SYNC: variants seen among roughly 807,000 people sequenced by gnomAD.
SYNC encodes syncoilin, intermediate filament protein.
A neutral mutation model predicts 49.5 loss-of-function variants in SYNC; 38 were observed. The observed-to-expected ratio is 0.77, with a 90% confidence interval of 0.59 to 1.01. The LOEUF is 1.01. Among genes scored for constraint, SYNC ranks in the 50% least tolerant of loss-of-function variants. The pLI is 0.00. For missense variants in SYNC, 579 were observed against 580.6 expected (o/e 1.00, Z 0.03); for synonymous variants, 201 against 230.8 (o/e 0.87, Z 1.17).
intron 1 of SYNC, among the ~76,000 whole-genome samples, chr1:32,697,961 G>A (rs922951042): frequency 2.6e-5 from 4 of 151,868 alleles, no homozygotes; most frequent in African/African-American, 9.7e-5. Flanking sequence ...GATGGCTCAC[G>A]CCTGTAATGC....
Position 32,680,574 on chromosome 1 carries a change from C to T in SYNC, c.*1276G>A. 6.6e-7 allele frequency: 1 copy of T among 1,517,286 alleles called. No homozygotes were observed. The highest frequency in any genetic ancestry group is 8.9e-7 in the Non-Finnish European group (1 of 1,119,232). The allele number at this position is 1,517,286 out of a possible 1,614,324, so 94.0% of individuals were successfully genotyped here. A position where few individuals can be genotyped will look rare whatever the true frequency, so the allele number is the denominator to read the frequency against. ...TGATGCCATCTCCATTTTGGGTGAC[C>T]TGTTTCACCAGCAGGCCTGTTACTC... is the stretch of plus-strand genomic sequence containing the variant. On this transcript the variant is annotated 3_prime_UTR_variant, in exon 5 of 5. Transcript: ENST00000409190.
chr1:32,698,294 G>A (rs1320352991), intron 1 of SYNC, among the ~76,000 whole-genome samples: 5 of 151,108 alleles, frequency 3.3e-5, no homozygotes, highest in Non-Finnish European at 7.4e-5. Flanking sequence ...TGAGGCAGGC[G>A]GATCATGAGG....
At chr1:32,694,779 ATCTT>A (rs1489919042) in intron 2 of SYNC, 82 bp downstream of exon 2, 5 of 1,337,016 alleles carry the variant, frequency 3.7e-6, no homozygotes, top group Admixed American at 4.6e-5. Flanking sequence ...ATGTGACACT[ATCTT>A]TCAGCCCCAA....
chr1:32,702,581 G>A lies in SYNC; in HGVS notation c.53+27C>T. ...AGCAGCACCCCTTCCCCAGCGGGGC[G>A]GCGACGCGGGCCCGGCACTGTCCTA... On this transcript the variant is annotated intron_variant, in intron 1 of 4. Transcript: ENST00000409190. The surrounding 1 kb of genome is among the most constrained non-coding windows in gnomAD (Gnocchi z 6.2). 1 of 1,218,270 alleles carries A rather than the reference G, an allele frequency of 8.2e-7. No homozygotes were observed. The highest frequency in any genetic ancestry group is 1.0e-6 in the Non-Finnish European group (1 of 979,364). The allele number at this position is 1,218,270 out of a possible 1,614,324, so 75.5% of individuals were successfully genotyped here. A position where few individuals can be genotyped will look rare whatever the true frequency, so the allele number is the denominator to read the frequency against.
In SYNC at chr1:32,695,433, T is replaced by C. The variant is rs778997423; in HGVS notation, c.665A>G (p.Tyr222Cys). Reference protein sequence around the residue: ...QQVHQDILAAYKLHAQAELER... With the variant: ...QQVHQDILAACKLHAQAELER... Reference sequence around the variant, plus strand: ...CAGCTCTGCTTGGGCATGGAGCTTGTAGGCAGCCAGGATGTCTTGATGGAC... The same window carrying C: ...CAGCTCTGCTTGGGCATGGAGCTTGCAGGCAGCCAGGATGTCTTGATGGAC... The change falls in exon 2 of 5, where the codon TAC becomes TGC. Residue 222 changes from tyrosine (Y) to cysteine (C), a missense_variant. Tyr to Cys is a radical substitution (Grantham distance 194). Transcript: ENST00000409190. The C allele has an allele frequency of 6.4e-7, 1 of 1,551,662 alleles. No homozygotes were observed. The highest frequency in any genetic ancestry group is 1.2e-5 in the South Asian group (1 of 84,042).
Position 32,694,886 on chromosome 1 carries a change from A to G in SYNC, c.1212T>C (p.Asp404=). 1 of 1,608,642 alleles carries G rather than the reference A, an allele frequency of 6.2e-7. No individual in the cohort carries two copies. The highest frequency in any genetic ancestry group is 8.5e-7 in the Non-Finnish European group (1 of 1,177,994). The part of the protein sequence containing the change: ...DQIALVRQKR[D]EEVQQYREQL... Reference sequence around the variant, plus strand: ...CTACCCTGTACTGCTGCACCTCTTCATCTCGTTTTTGCCTCACAAGTGCGA... The same window carrying G: ...CTACCCTGTACTGCTGCACCTCTTCGTCTCGTTTTTGCCTCACAAGTGCGA... The change falls in exon 2 of 5, where the codon GAT becomes GAC. Residue 404 remains aspartate, a synonymous_variant. Coordinates refer to ENST00000409190, the MANE Select transcript of SYNC (RefSeq NM_030786.3).
chr1:32,695,832 A>G lies in SYNC; in HGVS notation c.266T>C (p.Met89Thr), dbSNP rs945360153. The stretch of plus-strand genomic sequence containing the variant: ...CACATGCAGAGCCTCATCTGGCTGC[A>G]TGGCCTCCTCAATATACAGGGCCTC... The part of the protein sequence containing the change: ...AEEALYIEEA[M>T]QPDEALHVEE... Residue 89 changes from methionine to threonine, a missense_variant, in exon 2 of 5, where the codon ATG (methionine) becomes ACG (threonine). Transcript: ENST00000409190. 38 of 1,551,764 alleles carry G rather than the reference A, an allele frequency of 2.4e-5. No homozygotes were observed. The highest frequency in any genetic ancestry group is 3.2e-5 in the Non-Finnish European group (37 of 1,147,054).
Position 32,696,061 on chromosome 1 carries a change from T to C in SYNC, c.54-17A>G. On this transcript the variant is annotated splice_polypyrimidine_tract_variant and intron_variant, in intron 1 of 4. Transcript: ENST00000409190. The stretch of plus-strand genomic sequence containing the variant: ...CTTGTTTTCCTGCAAAAGAAATGAT[T>C]GAAAGTGAAAGGGCAGCCACAATCC... The C allele has an allele frequency of 6.5e-7, 1 of 1,527,650 alleles. No homozygotes were observed. The highest frequency in any genetic ancestry group is 1.2e-5 in the South Asian group (1 of 83,236). The allele number at this position is 1,527,650 out of a possible 1,614,324, so 94.6% of individuals were successfully genotyped here. A position where few individuals can be genotyped will look rare whatever the true frequency, so the allele number is the denominator to read the frequency against.
chr1:32,696,610 C>T (rs368380097), intron 1 of SYNC, among the ~76,000 whole-genome samples: 18 of 151,904 alleles, frequency 1.2e-4, no homozygotes, highest in Admixed American at 7.9e-4. Flanking sequence ...CCACCACGCC[C>T]GGCTAATTTT....
intron 2 of SYNC, among the ~76,000 whole-genome samples, chr1:32,692,231 A>AAAT (rs1477608442): frequency 1.3e-5 from 2 of 152,102 alleles, no homozygotes; most frequent in Admixed American, 6.6e-5. Context: ...CCGTCTCAAA[A>AAAT]AATAATAATC....
At position 32,695,615 on chromosome 1, in the gene SYNC, G is replaced by A. The variant is rs1012554660; in HGVS notation, c.483C>T (p.Pro161=). 2.4e-5 allele frequency: 37 copies of A among 1,551,384 alleles called. No homozygotes were observed. In the Admixed American group the frequency reaches 4.7e-4, roughly 20 times the overall value. The change falls in exon 2 of 5, where the codon CCC becomes CCT. Residue 161 remains proline (P), a synonymous_variant. Transcript: ENST00000409190. The part of the protein sequence containing the change: ...PEESLRAEQS[P]SMEENLSIED... ...CTATGCTCAGGTTCTCCTCCATGCT[G>A]GGGCTCTGCTCGGCTCTGAGGCTCT...
intron 1 of SYNC, among the ~76,000 whole-genome samples, chr1:32,696,524 T>G (rs985382179): frequency 1.3e-5 from 2 of 151,564 alleles, no homozygotes; most frequent in African/African-American, 4.9e-5. Flanking sequence ...CTTGGCTCAC[T>G]GCAGCCTCCA....
At chr1:32,688,380 C>A (rs1649995434) in intron 2 of SYNC, among the ~76,000 whole-genome samples, 1 of 152,178 alleles carries the variant, frequency 6.6e-6, no homozygotes, top group African/African-American at 2.4e-5. Context: ...TATTGTTGAT[C>A]TATGAAATGT....
intron 2 of SYNC, among the ~76,000 whole-genome samples, chr1:32,687,843 A>ATTATTATTATTATTAT (rs1557871622): frequency 2.4e-4 from 7 of 29,596 alleles, no homozygotes; most frequent in Admixed American, 2.1e-3. Flanking sequence ...AATTATTATT[A>ATTATTATTATTATTAT]TTATTATTAT....
chr1:32,695,434 A>G lies in SYNC; in HGVS notation c.664T>C (p.Tyr222His). 1 of 1,551,674 alleles carries G rather than the reference A, an allele frequency of 6.4e-7. No individual in the cohort carries two copies. Among genetic ancestry groups the G allele is most frequent in the East Asian group, 2.4e-5 (1 of 40,846 alleles). Residue 222 changes from tyrosine (Y) to histidine (H), a missense_variant, in exon 2 of 5, where the codon TAC becomes CAC. Transcript: ENST00000409190. ...AGCTCTGCTTGGGCATGGAGCTTGT[A>G]GGCAGCCAGGATGTCTTGATGGACT... ...QQVHQDILAA[Y>H]KLHAQAELER...
At position 32,682,002 on chromosome 1, in the gene SYNC, G is replaced by A. The variant is rs545751371; in HGVS notation, c.1439-142C>T. On this transcript the variant is annotated intron_variant, in intron 4 of 4. Coordinates refer to ENST00000409190, the MANE Select transcript of SYNC (RefSeq NM_030786.3). ...CCTAGCAAATATTTGGATGCCTCCT[G>A]TTTGTCAAATAGAATGAATGGTGAT... 1.6e-5 allele frequency: 11 copies of A among 702,540 alleles called. No individual in the cohort carries two copies. In the African/African-American group the frequency reaches 1.8e-4, roughly 11 times the overall value. 43.5% of individuals were successfully genotyped at this position (702,540 alleles called of 1,614,324 possible).
At chr1:32,703,196 C>T (rs1347496547), upstream of SYNC, 1 of 152,150 alleles carries the variant, frequency 6.6e-6, no homozygotes, top group Non-Finnish European at 1.5e-5. Flanking sequence ...CGGGCTGTCC[C>T]CGGCAGCTGT....
rs911970837 is a variant in SYNC, at chr1:32,691,231, A to C, written c.1233+3634T>G. 1.2e-4 allele frequency among the ~76,000 whole-genome samples: 18 copies of C among 144,920 alleles called. 1 individual carries two copies. Among genetic ancestry groups the C allele is most frequent in the Admixed American group, 1.5e-4 (2 of 13,582 alleles). ...AGACTCCTTCTCAAAAAACAAAAAA[A>C]AACAACAAAAAAAATTTGCCAGGCG... On this transcript the variant is annotated intron_variant, in intron 2 of 4. Transcript: ENST00000409190.
intron 1 of SYNC, among the ~76,000 whole-genome samples, chr1:32,696,769 G>A (rs1372197122): frequency 6.6e-6 from 1 of 150,478 alleles, no homozygotes; most frequent in Non-Finnish European, 1.5e-5. Context: ...AAATTATAAT[G>A]TTGAGGTAAA....
Sources: gnomAD v4.1 joint callset for allele counts (sites outside exome capture counted in the v4.1 genomes callset) on GRCh38, gnomAD v4.1.1 for gene constraint, Gnocchi (gnomAD v3.1) non-coding constraint, MANE v1.5 for transcripts, NCBI Gene and HGNC (gene_info 2026-07-23, HGNC 2026-07-21) for gene names.